Variants in TP63 observed in about 807,000 individuals in gnomAD.
TP63 encodes tumor protein 63.
In TP63, 17 loss-of-function variants were observed where a neutral mutation model predicts 82.8. The observed-to-expected ratio is 0.21, with a 90% CI of 0.14 to 0.31. The LOEUF is 0.31. Among genes scored for constraint, TP63 ranks in the 10% least tolerant of loss-of-function variants. The probability of loss-of-function intolerance (pLI) is 1.00; values close to 1 mark genes in which losing one functional copy is unlikely to be tolerated. For missense variants in TP63, 648 were observed against 895.3 expected (o/e 0.72, Z 3.52); for synonymous variants, 330 against 321.7 (o/e 1.03, Z -0.28).
In TP63 at chr3:189,737,709, A is replaced by AT. The variant is rs747223332; in HGVS notation, c.63-30dup. 4 of 1,610,248 alleles carry AT rather than the reference A, an allele frequency of 2.5e-6. No individual in the cohort carries two copies. The South Asian group carries it at 3.3e-5, about 13-fold the overall frequency. On this transcript the variant is annotated intron_variant, in intron 1 of 13. Coordinates refer to ENST00000264731, the MANE Select transcript of TP63 (RefSeq NM_003722.5). ...ATTCAGTGTCATAAATACAGAAAGTATAATACTAGTTTCATTTTTGTCCTT... is the reference window on the plus strand; with the variant it reads ...ATTCAGTGTCATAAATACAGAAAGTATTAATACTAGTTTCATTTTTGTCCTT...
At chr3:189,711,065 T>C (rs1043552528) in intron 1 of TP63, among the ~76,000 whole-genome samples, 1 of 152,192 alleles carries the variant, frequency 6.6e-6, no homozygotes, top group Admixed American at 6.5e-5. Flanking sequence ...ATAGACACAT[T>C]GGTTACAGTG....
chr3:189,678,999 C>G (rs1299746985), intron 1 of TP63, among the ~76,000 whole-genome samples: 1 of 151,934 alleles, frequency 6.6e-6, no homozygotes, highest in Non-Finnish European at 1.5e-5. Flanking sequence ...ACTGAAGTTA[C>G]TTATCAAATC....
intron 5 of TP63, among the ~76,000 whole-genome samples, chr3:189,864,843 A>G (rs1163461350): frequency 6.6e-6 from 1 of 151,884 alleles, no homozygotes; most frequent in Non-Finnish European, 1.5e-5. Flanking sequence ...CATCTCTACT[A>G]AAAATACAAA....
chr3:189,775,265 G>A (rs963639436), intron 3 of TP63, among the ~76,000 whole-genome samples: 3 of 147,312 alleles, frequency 2.0e-5, no homozygotes, highest in African/African-American at 7.4e-5. Context: ...GAAAAAAATT[G>A]ACTTGTAAAC....
At chr3:189,637,366 G>A (rs1008551994) in intron 1 of TP63, among the ~76,000 whole-genome samples, 3 of 152,118 alleles carry the variant, frequency 2.0e-5, no homozygotes, top group Non-Finnish European at 2.9e-5. Context: ...CCAGTGGACT[G>A]GAGCTGCCTT....
At chr3:189,617,353 T>C in the TP63 span, among the ~76,000 whole-genome samples, 3 of 152,228 alleles carry the variant, frequency 2.0e-5, no homozygotes, top group African/African-American at 7.2e-5. Context: ...TATTTTTGTA[T>C]ATCCCACATG....
chr3:189,631,388 T>G, upstream of TP63: 1 of 1,553,514 alleles, frequency 6.4e-7, no homozygotes, highest in Non-Finnish European at 8.7e-7. Flanking sequence ...TGCCTAAACT[T>G]CTATGTCTGA....
At chr3:189,741,974 G>T (rs1277504422) in intron 3 of TP63, among the ~76,000 whole-genome samples, 1 of 152,110 alleles carries the variant, frequency 6.6e-6, no homozygotes, top group African/African-American at 2.4e-5. Flanking sequence ...CAGGTGCATT[G>T]GCTCAGGCCT....
rs777984591 is a variant in TP63, at chr3:189,867,981, A to G, written c.992+39A>G. ...GTAAAATTGTCATTCTACACAAAAA[A>G]TCACGAGCAGAGGGCAAAGTGAAAT... is the stretch of plus-strand genomic sequence containing the variant. On this transcript the variant is annotated intron_variant, in intron 7 of 13. Coordinates refer to ENST00000264731, the MANE Select transcript of TP63 (RefSeq NM_003722.5). The G allele has an allele frequency of 7.0e-6, 11 of 1,561,432 alleles. 1 individual carries two copies. The South Asian group carries it at 1.2e-4, about 18-fold the overall frequency.
At chr3:189,629,868 G>A (rs923031558), upstream of TP63, among the ~76,000 whole-genome samples, 6 of 152,074 alleles carry the variant, frequency 3.9e-5, no homozygotes, top group Admixed American at 3.9e-4. Flanking sequence ...CTAATAGCAG[G>A]GAAGAAAGCC....
chr3:189,740,330 T>G (rs1720891642), intron 3 of TP63, among the ~76,000 whole-genome samples: 1 of 152,194 alleles, frequency 6.6e-6, no homozygotes, highest in Admixed American at 6.5e-5. Context: ...TATCATCTCT[T>G]AAGTTGATGG....
chr3:189,647,974 G>A (rs1712565752), intron 1 of TP63, among the ~76,000 whole-genome samples: 1 of 123,808 alleles, frequency 8.1e-6, no homozygotes, highest in Non-Finnish European at 1.8e-5. Context: ...TAAGATTAAA[G>A]ATTTCACATA....
intron 3 of TP63, among the ~76,000 whole-genome samples, chr3:189,756,061 C>T (rs374508368): frequency 6.6e-6 from 1 of 152,042 alleles, no homozygotes; most frequent in East Asian, 1.9e-4. Context: ...AAGTCTATTT[C>T]GAGACTTTCA....
At chr3:189,840,703 C>T (rs1208310952) in intron 4 of TP63, among the ~76,000 whole-genome samples, 6 of 151,600 alleles carry the variant, frequency 4.0e-5, no homozygotes, top group African/African-American at 1.5e-4. Context: ...ACTAAAAATA[C>T]AAAAATTAGC....
chr3:189,743,849 C>T (rs1402986062), intron 3 of TP63, among the ~76,000 whole-genome samples: 2 of 152,146 alleles, frequency 1.3e-5, no homozygotes, highest in African/African-American at 4.8e-5. Flanking sequence ...TGGGAGACCC[C>T]TCACGGTCCA....
chr3:189,716,115 G>A (rs548996179), intron 1 of TP63, among the ~76,000 whole-genome samples: 1 of 152,144 alleles, frequency 6.6e-6, no homozygotes, highest in African/African-American at 2.4e-5. Flanking sequence ...AAGCAACTTG[G>A]TTCAAGTCAA....
intron 3 of TP63, among the ~76,000 whole-genome samples, chr3:189,757,598 C>T (rs1722274277): frequency 6.7e-6 from 1 of 148,634 alleles, no homozygotes; most frequent in Non-Finnish European, 1.5e-5. Flanking sequence ...AGAGCAATTA[C>T]TGATGCAGGA....
At chr3:189,598,598 A>G in the TP63 span, among the ~76,000 whole-genome samples, 33 of 152,218 alleles carry the variant, frequency 2.2e-4, no homozygotes, top group Non-Finnish European at 4.4e-4. Flanking sequence ...ACATTATGAA[A>G]CCATACATAG....
the TP63 span, among the ~76,000 whole-genome samples, chr3:189,620,262 C>T: frequency 1.5e-4 from 22 of 142,902 alleles, no homozygotes; most frequent in African/African-American, 4.7e-4. Flanking sequence ...TGGTGGCTCA[C>T]GCCTGTAATC....
Sources: allele counts gnomAD v4.1 joint callset (sites outside exome capture counted in the v4.1 genomes callset), GRCh38; gene constraint gnomAD v4.1.1; transcripts MANE v1.5; gene names NCBI Gene and HGNC (gene_info 2026-07-23, HGNC 2026-07-21).